EPHA1: variants seen among roughly 807,000 people sequenced by gnomAD.
The protein encoded by EPHA1 is ephrin type-A receptor 1.
A neutral mutation model predicts 110.1 loss-of-function variants in EPHA1; 92 were observed. The ratio of observed to expected loss-of-function variants is 0.84; its 90% CI spans 0.71 to 0.99. EPHA1 has a LOEUF of 0.99. Ranked by LOEUF, EPHA1 falls within the 50% of genes least tolerant of loss-of-function variation. EPHA1 has a pLI of 0.00. For synonymous variants in EPHA1, 500 were observed against 516.1 expected (o/e 0.97, Z 0.42); for missense variants, 1,204 against 1,285.4 (o/e 0.94, Z 0.97).
At chr7:143,394,709 C>T (rs1011489039) in intron 14 of EPHA1, 99 bp downstream of exon 14, 15 of 1,418,294 alleles carry the variant, frequency 1.1e-5, no homozygotes, top group East Asian at 4.8e-5. Flanking sequence ...TGTGAGCCAC[C>T]GTGCCTGGCC....
Position 143,401,684 on chromosome 7 carries a change from G to A in EPHA1, c.151-79C>T. ...CTTGGTTTTTAGAGCTGATGGAGAA[G>A]CAGCTGTGTCAGAGCCCCTCAGGTT... On this transcript the variant is annotated intron_variant, in intron 2 of 17. Transcript: ENST00000275815. This position sits in a 1 kb window ranked among gnomAD's most constrained non-coding sequence, Gnocchi z 4.1. 2.0e-6 allele frequency: 3 copies of A among 1,529,874 alleles called. No homozygotes were observed. The highest frequency in any genetic ancestry group is 2.7e-6 in the Non-Finnish European group (3 of 1,124,342). The allele number at this position is 1,529,874 out of a possible 1,614,324, so 94.8% of individuals were successfully genotyped here.
Position 143,406,317 on chromosome 7 carries a change from A to C in EPHA1, c.150+1294T>G, listed in dbSNP as rs575240101. Among the ~76,000 whole-genome samples the C allele has an allele frequency of 7.9e-5, 12 of 152,282 alleles. No individual in the cohort carries two copies. The South Asian group carries it at 2.5e-3, about 32-fold the overall frequency. Reference sequence around the variant, plus strand: ...ACGCCTATGTAATGAAGTCTCCATAAAAGCCCAGAAGGATGGGGTTGGGAG... The same window carrying C: ...ACGCCTATGTAATGAAGTCTCCATACAAGCCCAGAAGGATGGGGTTGGGAG... On this transcript the variant is annotated intron_variant, in intron 2 of 17. Coordinates refer to ENST00000275815, the MANE Select transcript of EPHA1 (RefSeq NM_005232.5).
At position 143,399,664 on chromosome 7, in the gene EPHA1, G is replaced by T; in HGVS notation, c.822C>A (p.Gly274=). The change falls in exon 4 of 18, where the codon GGC becomes GGA. Residue 274 remains glycine, a synonymous_variant. Transcript: ENST00000275815. The part of the protein sequence containing the change: ...CEPGYEEGGS[G]EACVACPSGS... ...CTCCGTTCTTACCAACACATGCTTC[G>T]CCACTGCCACCTTCCTCATAGCCAG... The T allele has an allele frequency of 1.2e-6, 2 of 1,613,356 alleles. No homozygotes were observed. Among genetic ancestry groups the T allele is most frequent in the South Asian group, 1.1e-5 (1 of 91,044 alleles).
Position 143,395,187 on chromosome 7 carries a change from G to C in EPHA1, c.2084-5C>G, listed in dbSNP as rs1229450880. 6.2e-7 allele frequency: 1 copy of C among 1,613,388 alleles called. No homozygotes were observed. The highest frequency in any genetic ancestry group is 1.1e-5 in the South Asian group (1 of 91,076). ...TGATGATCATGATCGGCTTTCCTGAGACACAGACACACATATCACACTCAG... is the reference window on the plus strand; with the variant it reads ...TGATGATCATGATCGGCTTTCCTGACACACAGACACACATATCACACTCAG... On this transcript the variant is annotated splice_region_variant and splice_polypyrimidine_tract_variant and intron_variant, in intron 12 of 17. Transcript: ENST00000275815. This position sits in a 1 kb window ranked among gnomAD's most constrained non-coding sequence, Gnocchi z 4.7.
Position 143,407,688 on chromosome 7 carries a change from G to T in EPHA1, c.83-10C>A, listed in dbSNP as rs776660769. 1.9e-6 allele frequency: 3 copies of T among 1,612,942 alleles called. No individual in the cohort carries two copies. The highest frequency in any genetic ancestry group is 1.7e-4 in the Middle Eastern group (1 of 6,056). ...GTGTCCATCAGAGTAACTGAAAGTG[G>T]GGAGAAAAGAAGTCTGTCACCTCTG... is the stretch of plus-strand genomic sequence containing the variant. On this transcript the variant is annotated splice_polypyrimidine_tract_variant and intron_variant, in intron 1 of 17. Transcript: ENST00000275815.
chr7:143,394,992 G>T lies in EPHA1; in HGVS notation c.2168C>A (p.Pro723His). Residue 723 changes from proline to histidine, a missense_variant, in exon 14 of 18, where the codon CCT (proline) becomes CAT (histidine). Physicochemically the swap from Pro to His is moderately conservative, Grantham distance 77. Coordinates refer to ENST00000275815, the MANE Select transcript of EPHA1 (RefSeq NM_005232.5). The part of the protein sequence containing the change: ...FLREREDQLV[P>H]GQLVAMLQGI... ...CTGCAGCATGGCCACTAGCTGCCCAGGGACCAGCTGGTCCTCCCGCTCCTG... is the reference window on the plus strand; with the variant it reads ...CTGCAGCATGGCCACTAGCTGCCCATGGACCAGCTGGTCCTCCCGCTCCTG... The T allele has an allele frequency of 6.2e-7, 1 of 1,614,026 alleles. No homozygotes were observed. The highest frequency in any genetic ancestry group is 8.5e-7 in the Non-Finnish European group (1 of 1,180,012).
intron 2 of EPHA1, among the ~76,000 whole-genome samples, chr7:143,406,267 C>T (rs1160555376): frequency 1.3e-5 from 2 of 152,072 alleles, no homozygotes; most frequent in Non-Finnish European, 2.9e-5. Flanking sequence ...GAGCTGATAA[C>T]CAGTGGGCAA....
chr7:143,392,563 C>T (rs569399300), intron 16 of EPHA1, among the ~76,000 whole-genome samples: 1 of 151,436 alleles, frequency 6.6e-6, no homozygotes, highest in Non-Finnish European at 1.5e-5. Flanking sequence ...CCCACCCCCC[C>T]ATCAGTTCAT....
At chr7:143,397,492 G>T in intron 9 of EPHA1, 69 bp downstream of exon 9, 1 of 1,595,190 alleles carries the variant, frequency 6.3e-7, no homozygotes, top group East Asian at 2.2e-5. Context: ...GGATGGGAGG[G>T]TCGTTGGGGC....
At chr7:143,403,302 C>T (rs1438386760) in intron 2 of EPHA1, among the ~76,000 whole-genome samples, 2 of 152,144 alleles carry the variant, frequency 1.3e-5, no homozygotes, top group Admixed American at 6.6e-5. Flanking sequence ...ACCCAGGAGG[C>T]GGAGGTTGCA....
At chr7:143,394,370 G>A in intron 14 of EPHA1, 27 bp from the exon 15 acceptor site, 9 of 1,604,102 alleles carry the variant, frequency 5.6e-6, no homozygotes, top group Non-Finnish European at 7.7e-6. Context: ...GTCAGGGACG[G>A]AAAGTTATGG....
At chr7:143,403,328 G>A (rs936538437) in intron 2 of EPHA1, among the ~76,000 whole-genome samples, 1 of 152,128 alleles carries the variant, frequency 6.6e-6, no homozygotes, top group African/African-American at 2.4e-5. Context: ...CCAAGATCTC[G>A]CCACTGCACT....
Position 143,393,581 on chromosome 7 carries a change from G to A in EPHA1, c.2696+90C>T, listed in dbSNP as rs1805148608. On this transcript the variant is annotated intron_variant, in intron 16 of 17. Coordinates refer to ENST00000275815, the MANE Select transcript of EPHA1 (RefSeq NM_005232.5). The surrounding 1 kb of genome is among the most constrained non-coding windows in gnomAD (Gnocchi z 5.6). ...CTGGACTTGGTCCAGAGCTCCCCAG[G>A]CCCAGCGCTCAAAGAAGATTGGCTG... 6.9e-7 allele frequency: 1 copy of A among 1,449,500 alleles called. No homozygotes were observed. Among genetic ancestry groups the A allele is most frequent in the Non-Finnish European group, 9.4e-7 (1 of 1,067,558 alleles). 89.8% of individuals were successfully genotyped at this position (1,449,500 alleles called of 1,614,324 possible).
chr7:143,397,914 C>T lies in EPHA1; in HGVS notation c.1615+6G>A, dbSNP rs767968483. 2 of 1,613,540 alleles carry T rather than the reference C, an allele frequency of 1.2e-6. No individual in the cohort carries two copies. The highest frequency in any genetic ancestry group is 1.7e-6 in the Non-Finnish European group (2 of 1,179,712). ...GTGTGTTGGGGCAGAGCACAAGATA[C>T]CCCACCTGGTGGGCTGGTCCGAAAC... On this transcript the variant is annotated splice_donor_region_variant and intron_variant, in intron 8 of 17. Transcript: ENST00000275815.
chr7:143,391,774 T>C lies in EPHA1; in HGVS notation c.2698A>G (p.Met900Val), dbSNP rs6967117. Residue 900 changes from methionine (M) to valine (V), a missense_variant and splice_region_variant, in exon 17 of 18, where the codon ATG (methionine) becomes GTG (valine). Met to Val is a conservative substitution (Grantham distance 21, BLOSUM62 1). Transcript: ENST00000275815. ...CTCAGGCTGGGCAGGCGAAGAGTCA[T>C]CCTGTGGGACATGGGCATGTCAGTC... The part of the protein sequence containing the change: ...LRTIANFDPR[M>V]TLRLPSLSGS... The C allele has an allele frequency of 0.93, 1,506,756 of 1,613,560 alleles. 704,281 individuals are homozygous for C. The highest frequency in any genetic ancestry group is 1 in the East Asian group (44,829 of 44,868).
At chr7:143,397,411 G>A (rs777514852) in intron 9 of EPHA1, 49 bp from the exon 10 acceptor site, 20 of 1,548,072 alleles carry the variant, frequency 1.3e-5, no homozygotes, top group Non-Finnish European at 1.6e-5. Flanking sequence ...ACCACCTCAG[G>A]GGTCCGAGGG....
At chr7:143,396,355 G>A (rs777070019) in intron 11 of EPHA1, 30 bp downstream of exon 11, 1 of 1,603,578 alleles carries the variant, frequency 6.2e-7, no homozygotes, top group East Asian at 2.2e-5. Context: ...ACATGGCGGG[G>A]GGCCTGCTGC....
chr7:143,398,053 C>G lies in EPHA1; in HGVS notation c.1482G>C (p.Gln494His), dbSNP rs375144213. 75 of 1,613,988 alleles carry G rather than the reference C, an allele frequency of 4.6e-5. 2 individuals are homozygous for G. In the South Asian group the frequency reaches 8.1e-4, roughly 17 times the overall value. ...HVLNQDEERY[Q>H]MVLEPRVLLT... Reference sequence around the variant, plus strand: ...GCAAGACCCTGGGTTCTAGAACCATCTGGTACCGTTCTTCATCCTGTGGGT... The same window carrying G: ...GCAAGACCCTGGGTTCTAGAACCATGTGGTACCGTTCTTCATCCTGTGGGT... Residue 494 changes from glutamine to histidine, a missense_variant, in exon 8 of 18, where the codon CAG (glutamine) becomes CAC (histidine). Coordinates refer to ENST00000275815, the MANE Select transcript of EPHA1 (RefSeq NM_005232.5).
Position 143,391,755 on chromosome 7 carries a change from C to G in EPHA1, c.2717G>C (p.Ser906Thr), listed in dbSNP as rs1425745397. ...TGGGATCCCATCTGAGCCACTCAGG[C>G]TGGGCAGGCGAAGAGTCATCCTGTG... is the stretch of plus-strand genomic sequence containing the variant. ...FDPRMTLRLP[S>T]LSGSDGIPYR... Residue 906 changes from serine (S) to threonine (T), a missense_variant, in exon 17 of 18, where the codon AGC becomes ACC. Ser to Thr is a moderately conservative substitution (Grantham distance 58, BLOSUM62 1). Transcript: ENST00000275815. 6.2e-7 allele frequency: 1 copy of G among 1,613,880 alleles called. No homozygotes were observed. The highest frequency in any genetic ancestry group is 1.1e-5 in the South Asian group (1 of 91,086).
Sources: gnomAD v4.1 joint callset for allele counts (sites outside exome capture counted in the v4.1 genomes callset) on GRCh38, gnomAD v4.1.1 for gene constraint, Gnocchi (gnomAD v3.1) non-coding constraint, MANE v1.5 for transcripts, NCBI Gene and HGNC (gene_info 2026-07-23, HGNC 2026-07-21) for gene names.